Variants in FGF14 observed in about 807,000 individuals in gnomAD.
The protein encoded by FGF14 is fibroblast growth factor homologous factor 4.
FGF14 carries 5 observed loss-of-function variants against 25.5 expected under a neutral mutation model. That is an observed-to-expected ratio of 0.20 (90% confidence interval 0.10 to 0.41). FGF14 has a LOEUF of 0.41. FGF14 is among the 10% of genes least tolerant of loss of function. The probability of loss-of-function intolerance (pLI) is 1.00; values close to 1 mark genes in which losing one functional copy is unlikely to be tolerated. For synonymous variants in FGF14, 138 were observed against 118.3 expected, an observed-to-expected ratio of 1.17 and a Z score of -1.08; for missense variants, 222 against 320.1, an observed-to-expected ratio of 0.69 and a Z score of 2.34.
At chr13:102,149,476 T>C (rs115979115) in intron 1 of FGF14, among the ~76,000 whole-genome samples, 52 of 152,292 alleles carry the variant, frequency 3.4e-4, no homozygotes, top group African/African-American at 1.2e-3. Context: ...ATCACACTCA[T>C]GCAAGGACAC....
intron 1 of FGF14, among the ~76,000 whole-genome samples, chr13:102,366,977 C>T (rs1002365274): frequency 2.0e-5 from 3 of 152,072 alleles, no homozygotes; most frequent in African/African-American, 4.8e-5. Flanking sequence ...AAAAACTCAC[C>T]GTTAAAAGCA....
At chr13:102,183,490 C>T (rs946475245) in intron 1 of FGF14, among the ~76,000 whole-genome samples, 1 of 152,136 alleles carries the variant, frequency 6.6e-6, no homozygotes, top group African/African-American at 2.4e-5. Context: ...ATGAGAGAAA[C>T]ATGTAGCTTA....
intron 3 of FGF14, among the ~76,000 whole-genome samples, chr13:101,738,242 T>C (rs185192044): frequency 7.3e-4 from 111 of 152,328 alleles, no homozygotes; most frequent in African/African-American, 2.6e-3. Context: ...ATCATGCTGC[T>C]ATTTAGTAAA....
chr13:102,275,238 CTCTCTCTCTCTCTCTCTCTCTCTT>C (rs557931107), intron 1 of FGF14, among the ~76,000 whole-genome samples: 5,075 of 98,458 alleles, frequency 0.052, 130 homozygotes, highest in Middle Eastern at 0.079. Context: ...GCAGATTTCT[CTCTCTCTCTCTCTCTCTCTCTCTT>C]TCTCTCTCTC....
At position 102,303,867 on chromosome 13, in the gene FGF14, C is replaced by T. The variant is rs570701055; in HGVS notation, c.208+97604G>A. 2.6e-5 allele frequency among the ~76,000 whole-genome samples: 4 copies of T among 152,272 alleles called. No homozygotes were observed. In the South Asian group the frequency reaches 6.2e-4, roughly 24 times the overall value. On this transcript the variant is annotated intron_variant, in intron 1 of 4. Transcript: ENST00000376131. ...TTCAAACTGCACACAGTAGGTAAAG[C>T]ACTGAATGATAACTTATCAGATTCA... is the stretch of plus-strand genomic sequence containing the variant.
intron 1 of FGF14, among the ~76,000 whole-genome samples, chr13:102,108,816 G>A (rs1047456368): frequency 1.3e-4 from 20 of 152,256 alleles, no homozygotes; most frequent in Admixed American, 1.3e-4. Flanking sequence ...AAAGCCCCTC[G>A]TTGGCTTTAA....
chr13:102,320,447 T>G (rs2056202216), intron 1 of FGF14, among the ~76,000 whole-genome samples: 1 of 152,182 alleles, frequency 6.6e-6, no homozygotes, highest in Admixed American at 6.5e-5. Context: ...GGAGTTGCCA[T>G]ATGACTGCAT....
intron 1 of FGF14, among the ~76,000 whole-genome samples, chr13:102,064,614 T>C (rs950118068): frequency 2.0e-5 from 3 of 152,028 alleles, no homozygotes; most frequent in African/African-American, 4.8e-5. Context: ...GCATTTTCTA[T>C]AGCACGAAAT....
At chr13:102,050,236 C>T (rs914986069) in intron 1 of FGF14, among the ~76,000 whole-genome samples, 2 of 152,130 alleles carry the variant, frequency 1.3e-5, no homozygotes, top group Non-Finnish European at 2.9e-5. Flanking sequence ...TGTATCAGGA[C>T]ACAGTATAGA....
intron 1 of FGF14, among the ~76,000 whole-genome samples, chr13:102,144,495 A>G (rs1029447144): frequency 6.6e-6 from 1 of 152,048 alleles, no homozygotes; most frequent in African/African-American, 2.4e-5. Context: ...TATGATAGCT[A>G]TTTATAAAGT....
At chr13:101,876,343 T>G (rs537926507) in intron 1 of FGF14, among the ~76,000 whole-genome samples, 1 of 152,228 alleles carries the variant, frequency 6.6e-6, no homozygotes, top group African/African-American at 2.4e-5. Context: ...GCCATGCTAA[T>G]GCAATCCGCT....
intron 3 of FGF14, among the ~76,000 whole-genome samples, chr13:101,855,525 G>A (rs2044079954): frequency 6.6e-6 from 1 of 151,892 alleles, no homozygotes; most frequent in South Asian, 2.1e-4. Flanking sequence ...TTCTTGTTCA[G>A]AAAATGGCTG....
chr13:101,977,706 C>T (rs1276311439), intron 1 of FGF14, among the ~76,000 whole-genome samples: 7 of 152,224 alleles, frequency 4.6e-5, no homozygotes, highest in South Asian at 2.1e-4. Context: ...ACATCACAGA[C>T]GGCAGATTGG....
At chr13:101,868,679 T>G (rs2044869316) in intron 3 of FGF14, 46 bp downstream of exon 3, 2 of 1,142,354 alleles carry the variant, frequency 1.8e-6, no homozygotes, top group Non-Finnish European at 2.7e-6. Context: ...CATTGTTATT[T>G]TACATGCATT....
At chr13:102,058,040 C>A (rs1196164011) in intron 1 of FGF14, among the ~76,000 whole-genome samples, 2 of 152,144 alleles carry the variant, frequency 1.3e-5, no homozygotes, top group African/African-American at 4.8e-5. Flanking sequence ...ATGTTCAAGG[C>A]AGATGGACCT....
At chr13:101,848,732 A>C (rs1054478747) in intron 3 of FGF14, among the ~76,000 whole-genome samples, 2 of 152,054 alleles carry the variant, frequency 1.3e-5, no homozygotes, top group African/African-American at 2.4e-5. Flanking sequence ...CAAGGAGAGA[A>C]AAGTATTTGT....
intron 1 of FGF14, among the ~76,000 whole-genome samples, chr13:101,912,004 G>T (rs1243736788): frequency 1.4e-4 from 19 of 140,344 alleles, no homozygotes; most frequent in African/African-American, 4.6e-4. Flanking sequence ...CAAAAACAGT[G>T]TTTTTTTTTT....
chr13:102,400,577 G>T lies in FGF14; in HGVS notation c.208+894C>A, dbSNP rs1305313908. 6.6e-6 allele frequency among the ~76,000 whole-genome samples: 1 copy of T among 152,128 alleles called. No individual in the cohort carries two copies. The highest frequency in any genetic ancestry group is 2.4e-5 in the African/African-American group (1 of 41,428). ...TCGCCTCGGACTGAGACGCGGGGAC[G>T]GGAACCCCTGGGATCCGACTCCCCA... On this transcript the variant is annotated intron_variant, in intron 1 of 4. Coordinates refer to the FGF14 transcript ENST00000376131. The surrounding 1 kb of genome is among the most constrained non-coding windows in gnomAD (Gnocchi z 4.3).
chr13:101,724,519 C>G (rs1282449345), intron 4 of FGF14, among the ~76,000 whole-genome samples: 1 of 149,548 alleles, frequency 6.7e-6, no homozygotes, highest in Non-Finnish European at 1.5e-5. Flanking sequence ...TGCAGCACAC[C>G]AACATGGCAC....
Sources: allele counts gnomAD v4.1 joint callset (sites outside exome capture counted in the v4.1 genomes callset), GRCh38; gene constraint gnomAD v4.1.1; non-coding constraint Gnocchi (gnomAD v3.1); transcripts MANE v1.5; gene names NCBI Gene and HGNC (gene_info 2026-07-23, HGNC 2026-07-21).